Variants in CMSS1 observed in about 807,000 individuals in gnomAD.
CMSS1 encodes protein CMSS1.
Under a neutral mutation model 43.5 loss-of-function variants are expected in CMSS1, and 33 were observed. The observed-to-expected ratio is 0.76, with a 90% CI of 0.57 to 1.01. The LOEUF is 1.01. Among genes scored for constraint, CMSS1 ranks in the 50% least tolerant of loss-of-function variants. CMSS1 has a pLI of 0.00. For missense variants in CMSS1, 313 were observed against 326.4 expected (o/e 0.96, Z 0.32); for synonymous variants, 115 against 117.2 (o/e 0.98, Z 0.12).
chr3:99,849,672 G>C (rs770856945), intron 1 of CMSS1: 1 of 1,613,308 alleles, frequency 6.2e-7, no homozygotes, highest in Non-Finnish European at 8.5e-7. Context: ...ATTGAGCTTT[G>C]TCTCGTTCAT....
intron 6 of CMSS1, among the ~76,000 whole-genome samples, chr3:100,168,740 GT>G (rs1036921219): frequency 3.5e-4 from 50 of 144,090 alleles, no homozygotes; most frequent in Admixed American, 2.8e-4. Flanking sequence ...GAATTGTGTT[GT>G]TTTTTTTTTT....
intron 1 of CMSS1, among the ~76,000 whole-genome samples, chr3:100,065,487 C>T (rs1452652872): frequency 6.6e-6 from 1 of 152,184 alleles, no homozygotes; most frequent in Non-Finnish European, 1.5e-5. Context: ...TCTGTATCCT[C>T]CATCTACCCG....
intron 1 of CMSS1, among the ~76,000 whole-genome samples, chr3:99,942,372 G>A (rs78963686): frequency 0.015 from 2,241 of 152,228 alleles, 56 homozygotes; most frequent in African/African-American, 0.052. Flanking sequence ...ATAATGGCAG[G>A]GGATAGAGGT....
chr3:99,893,125 G>A (rs2107616812), intron 1 of CMSS1, among the ~76,000 whole-genome samples: 1 of 150,976 alleles, frequency 6.6e-6, no homozygotes, highest in East Asian at 2.0e-4. Context: ...TCTGCTTTCA[G>A]GTATCTCTAT....
chr3:100,123,987 G>C (rs768871902), intron 1 of CMSS1, among the ~76,000 whole-genome samples: 8 of 152,054 alleles, frequency 5.3e-5, no homozygotes, highest in Non-Finnish European at 8.8e-5. Context: ...ATAGCACTGG[G>C]GTCCTCTTTA....
At chr3:99,926,070 G>C (rs551591180) in intron 1 of CMSS1, among the ~76,000 whole-genome samples, 9 of 152,346 alleles carry the variant, frequency 5.9e-5, no homozygotes, top group African/African-American at 2.2e-4. Context: ...GTTTGCCTTT[G>C]TCATAAAAGA....
intron 6 of CMSS1, among the ~76,000 whole-genome samples, 192 bp downstream of exon 6, chr3:100,168,032 A>C (rs1208175852): frequency 6.6e-6 from 1 of 152,222 alleles, no homozygotes; most frequent in East Asian, 1.9e-4. Context: ...GTACATTGAT[A>C]AGTTATGTAA....
chr3:99,849,384 A>G (rs1310669661), intron 1 of CMSS1: 1 of 1,614,086 alleles, frequency 6.2e-7, no homozygotes, highest in Non-Finnish European at 8.5e-7. Flanking sequence ...TGAGGTTTTC[A>G]ATCTCTCTTC....
intron 1 of CMSS1, among the ~76,000 whole-genome samples, chr3:100,021,141 G>A (rs557586858): frequency 6.6e-6 from 1 of 152,252 alleles, no homozygotes; most frequent in African/African-American, 2.4e-5. Context: ...AAATCCTGAC[G>A]CAAAATTCCC....
intron 1 of CMSS1, among the ~76,000 whole-genome samples, chr3:100,063,770 C>A (rs1559744867): frequency 6.6e-6 from 1 of 152,146 alleles, no homozygotes; most frequent in Non-Finnish European, 1.5e-5. Flanking sequence ...TATCAAAACT[C>A]TGGACTTCAG....
chr3:99,965,320 G>T (rs1186579635), intron 1 of CMSS1, among the ~76,000 whole-genome samples: 1 of 152,184 alleles, frequency 6.6e-6, no homozygotes, highest in Non-Finnish European at 1.5e-5. Context: ...AAGAATGAAA[G>T]GTTGGCCTGT....
chr3:100,130,042 C>T (rs1352221736), intron 1 of CMSS1, among the ~76,000 whole-genome samples: 1 of 152,162 alleles, frequency 6.6e-6, no homozygotes, highest in East Asian at 1.9e-4. Context: ...CAAACTGAGC[C>T]CTTTGCCAAC....
chr3:100,019,592 G>A (rs2064769345), intron 1 of CMSS1, among the ~76,000 whole-genome samples: 1 of 152,042 alleles, frequency 6.6e-6, no homozygotes, highest in South Asian at 2.1e-4. Flanking sequence ...AAAGACAGTA[G>A]TAGATACTTT....
intron 1 of CMSS1, among the ~76,000 whole-genome samples, chr3:99,984,724 A>C (rs1337302302): frequency 6.6e-6 from 1 of 152,232 alleles, no homozygotes; most frequent in African/African-American, 2.4e-5. Context: ...GAAGATGTGT[A>C]GTAAGAATAG....
At chr3:99,845,353 A>T (rs1300674575) in intron 1 of CMSS1, among the ~76,000 whole-genome samples, 1 of 152,206 alleles carries the variant, frequency 6.6e-6, no homozygotes, top group Non-Finnish European at 1.5e-5. Flanking sequence ...GATAGTGGGA[A>T]TGTGAGTAAA....
rs572266079 is a variant in CMSS1, at chr3:99,995,468, C to T, written c.65-151505C>T. 2.6e-5 allele frequency among the ~76,000 whole-genome samples: 4 copies of T among 152,300 alleles called. No individual in the cohort carries two copies. The East Asian group carries it at 7.7e-4, about 29-fold the overall frequency. On this transcript the variant is annotated intron_variant, in intron 1 of 9. Transcript: ENST00000421999. ...CTGCTGCTTTTCCAGGAGCATGGTGCAAGCTGTTGGTGGATCTTCCATTCT... is the reference window on the plus strand; with the variant it reads ...CTGCTGCTTTTCCAGGAGCATGGTGTAAGCTGTTGGTGGATCTTCCATTCT...
intron 1 of CMSS1, among the ~76,000 whole-genome samples, chr3:99,891,580 T>C (rs1384886578): frequency 6.6e-6 from 1 of 152,146 alleles, no homozygotes; most frequent in Non-Finnish European, 1.5e-5. Flanking sequence ...GTTTTTTTTG[T>C]TTGTTTTGTT....
chr3:100,021,128 C>G (rs1004078812), intron 1 of CMSS1, among the ~76,000 whole-genome samples: 1 of 152,180 alleles, frequency 6.6e-6, no homozygotes, highest in African/African-American at 2.4e-5. Flanking sequence ...TGCCTAAGAC[C>G]TCAAATCCTG....
At chr3:99,853,565 T>C (rs1260268305) in intron 1 of CMSS1, among the ~76,000 whole-genome samples, 2 of 152,210 alleles carry the variant, frequency 1.3e-5, no homozygotes, top group Non-Finnish European at 2.9e-5. Context: ...TTCCATTTTG[T>C]TCAGTGTTTT....
Sources: gnomAD v4.1 joint callset for allele counts (sites outside exome capture counted in the v4.1 genomes callset) on GRCh38, gnomAD v4.1.1 for gene constraint, MANE v1.5 for transcripts, NCBI Gene and HGNC (gene_info 2026-07-23, HGNC 2026-07-21) for gene names.